TES: variants seen among roughly 807,000 people sequenced by gnomAD.
The protein encoded by TES is testin LIM domain protein, also known as testin.
In TES, 41 loss-of-function variants were observed where a neutral mutation model predicts 48.2. That is an observed-to-expected ratio of 0.85 (90% CI 0.66 to 1.10). The LOEUF is 1.10. Ranked by LOEUF, TES falls within the 50% of genes least tolerant of loss-of-function variation. TES has a pLI of 0.00. For synonymous variants in TES, 162 were observed against 174.9 expected, an observed-to-expected ratio of 0.93 and a Z score of 0.58; for missense variants, 463 against 515.1, an observed-to-expected ratio of 0.90 and a Z score of 0.98.
At chr7:116,223,495 T>A (rs1238348956) in intron 1 of TES, among the ~76,000 whole-genome samples, 1 of 152,186 alleles carries the variant, frequency 6.6e-6, no homozygotes. Flanking sequence ...CCCAAGTATA[T>A]TTGGTATTTT....
chr7:116,228,413 C>T (rs1055773419), intron 1 of TES, among the ~76,000 whole-genome samples: 1 of 152,120 alleles, frequency 6.6e-6, no homozygotes. Context: ...TCTGTCATAT[C>T]CTTTTATTGA....
intron 1 of TES, among the ~76,000 whole-genome samples, chr7:116,232,876 C>G (rs150049809): frequency 2.3e-4 from 35 of 152,292 alleles, no homozygotes; most frequent in African/African-American, 7.7e-4. Flanking sequence ...TTTATATGGT[C>G]TAACTTAAAA....
intron 1 of TES, chr7:116,222,978 CAGG>C (rs750015098): frequency 6.1e-6 from 6 of 985,008 alleles, no homozygotes; most frequent in Non-Finnish European, 7.2e-6. Context: ...GTAACGGATT[CAGG>C]AGGAGTCCTT....
chr7:116,234,068 C>G (rs1173060004), intron 1 of TES, among the ~76,000 whole-genome samples: 1 of 152,056 alleles, frequency 6.6e-6, no homozygotes, highest in Non-Finnish European at 1.5e-5. Flanking sequence ...TATATTGTAG[C>G]TATTATAATA....
At position 116,210,584 on chromosome 7, in the gene TES, G is replaced by A. The variant is rs1401135997; in HGVS notation, c.-124G>A. 6 of 1,081,896 alleles carry A rather than the reference G, an allele frequency of 5.5e-6. No homozygotes were observed. In the Admixed American group the frequency reaches 1.3e-4, roughly 24 times the overall value. 67.0% of individuals were successfully genotyped at this position (1,081,896 alleles called of 1,614,324 possible). Reference sequence around the variant, plus strand: ...GGAAGTTCGACGGCGCCGGGCGAGTGGCTGTTGAGCGGCGCCGCGGGAGTT... The same window carrying A: ...GGAAGTTCGACGGCGCCGGGCGAGTAGCTGTTGAGCGGCGCCGCGGGAGTT... On this transcript the variant is annotated 5_prime_UTR_variant, in exon 1 of 7. Transcript: ENST00000358204.
intron 1 of TES, among the ~76,000 whole-genome samples, chr7:116,233,005 C>A (rs963150450): frequency 3.9e-5 from 6 of 152,200 alleles, no homozygotes; most frequent in Non-Finnish European, 7.3e-5. Context: ...ACTTAAACTT[C>A]AGGACATGTC....
At chr7:116,211,912 C>T (rs1046988975) in intron 1 of TES, among the ~76,000 whole-genome samples, 1 of 152,048 alleles carries the variant, frequency 6.6e-6, no homozygotes, top group Non-Finnish European at 1.5e-5. Flanking sequence ...TCATTCCTTG[C>T]GACTAAAATT....
intron 1 of TES, among the ~76,000 whole-genome samples, chr7:116,219,587 T>C (rs1044738389): frequency 6.6e-6 from 1 of 151,836 alleles, no homozygotes; most frequent in Non-Finnish European, 1.5e-5. Flanking sequence ...AGGAGCACCT[T>C]TTAAGCCTCT....
At chr7:116,248,873 A>AT in intron 2 of TES, 147 bp from the exon 3 acceptor site, 1 of 718,374 alleles carries the variant, frequency 1.4e-6, no homozygotes, top group Non-Finnish European at 2.1e-6. Flanking sequence ...AAATATATGG[A>AT]TACTTATTCT....
intron 1 of TES, among the ~76,000 whole-genome samples, chr7:116,229,638 T>C (rs1799672376): frequency 6.6e-6 from 1 of 152,180 alleles, no homozygotes; most frequent in African/African-American, 2.4e-5. Context: ...TTAGAGTCCA[T>C]ATGCTTCCCT....
chr7:116,240,319 CA>C (rs1799828408), intron 2 of TES, among the ~76,000 whole-genome samples: 1 of 151,978 alleles, frequency 6.6e-6, no homozygotes. Context: ...AATAGTGATA[CA>C]AAAAAATTTC....
At chr7:116,241,856 A>C (rs983588651) in intron 2 of TES, among the ~76,000 whole-genome samples, 2 of 152,222 alleles carry the variant, frequency 1.3e-5, no homozygotes, top group Admixed American at 6.5e-5. Context: ...AATTTAAAAA[A>C]ATACAGAGCT....
chr7:116,252,527 G>T lies in TES; in HGVS notation c.1077+51G>T, dbSNP rs539484837. 7.6e-5 allele frequency: 122 copies of T among 1,613,618 alleles called. 3 individuals carry two copies. The South Asian group carries it at 1.3e-3, about 17-fold the overall frequency. ...TGCCTCAGCCTGCTTTAGGACTTGAGTTTATGCTTTTCTTAAAGCCTCTTA... is the reference window on the plus strand; with the variant it reads ...TGCCTCAGCCTGCTTTAGGACTTGATTTTATGCTTTTCTTAAAGCCTCTTA... On this transcript the variant is annotated intron_variant, in intron 6 of 6. Transcript: ENST00000358204.
At chr7:116,215,071 G>C (rs1190231779) in intron 1 of TES, among the ~76,000 whole-genome samples, 1 of 152,090 alleles carries the variant, frequency 6.6e-6, no homozygotes, top group East Asian at 1.9e-4. Flanking sequence ...TGGTTATTTT[G>C]TTTGCTGTTC....
At position 116,257,272 on chromosome 7, in the gene TES, CTCTTG is replaced by C; in HGVS notation, c.1078-20_1078-16del. The C allele has an allele frequency of 6.3e-7, 1 of 1,575,048 alleles. No individual in the cohort carries two copies. The highest frequency in any genetic ancestry group is 8.6e-7 in the Non-Finnish European group (1 of 1,158,526). ...TTACAGCTTGATCTCTCACCCTCTT[CTCTTG>C]TATTATTTCTTAATAGGTGTGTCAA... On this transcript the variant is annotated splice_polypyrimidine_tract_variant and intron_variant, in intron 6 of 6. Transcript: ENST00000358204.
At position 116,255,695 on chromosome 7, in the gene TES, A is replaced by G. The variant is rs1463620845; in HGVS notation, c.1078-1599A>G. 2.6e-5 allele frequency among the ~76,000 whole-genome samples: 4 copies of G among 152,214 alleles called. No homozygotes were observed. The East Asian group carries it at 7.7e-4, about 29-fold the overall frequency. On this transcript the variant is annotated intron_variant, in intron 6 of 6. Coordinates refer to ENST00000358204, the MANE Select transcript of TES (RefSeq NM_015641.4). ...TAGATCATGGTCTGAAAGCAAGGGA[A>G]TAAAACACACGGTGTATTTTACAAG...
intron 1 of TES, among the ~76,000 whole-genome samples, chr7:116,217,043 A>G (rs1799502471): frequency 1.3e-5 from 2 of 152,168 alleles, no homozygotes; most frequent in African/African-American, 4.8e-5. Flanking sequence ...ACTGAACTTA[A>G]GCTTGTATCA....
chr7:116,243,482 T>A (rs975124512), intron 2 of TES, among the ~76,000 whole-genome samples: 2 of 152,178 alleles, frequency 1.3e-5, no homozygotes, highest in Non-Finnish European at 2.9e-5. Context: ...TCTCTTTAAC[T>A]CATATTCATT....
chr7:116,242,943 A>G (rs1438243888), intron 2 of TES, among the ~76,000 whole-genome samples: 3 of 152,158 alleles, frequency 2.0e-5, no homozygotes, highest in Non-Finnish European at 4.4e-5. Context: ...TCTTAAAACT[A>G]ATGCAGTAAG....
Sources: gnomAD v4.1 joint callset for allele counts (sites outside exome capture counted in the v4.1 genomes callset) on GRCh38, gnomAD v4.1.1 for gene constraint, MANE v1.5 for transcripts, NCBI Gene and HGNC (gene_info 2026-07-23, HGNC 2026-07-21) for gene names.